The following ACSM3 variants were observed in gnomAD, a reference collection of about 807,000 sequenced individuals.
ACSM3 encodes the protein acyl-coenzyme A synthetase ACSM3, mitochondrial.
Under a neutral mutation model 74.1 loss-of-function variants are expected in ACSM3, and 61 were observed. The observed-to-expected ratio is 0.82, with a 90% CI of 0.67 to 1.02. The LOEUF is 1.02. Ranked by LOEUF, ACSM3 falls within the 50% of genes least tolerant of loss-of-function variation. The pLI is 0.00. For synonymous variants in ACSM3, 213 were observed against 241.5 expected (o/e 0.88, Z 1.09); for missense variants, 660 against 697.0 (o/e 0.95, Z 0.60).
At position 20,767,538 on chromosome 16, in the gene ACSM3, A is replaced by C. The variant is rs868087738; in HGVS notation, c.-51-2446A>C. Among the ~76,000 whole-genome samples the C allele has an allele frequency of 1.3e-4, 2 of 15,710 alleles. 1 individual carries two copies. Among genetic ancestry groups the C allele is most frequent in the African/African-American group, 4.2e-4 (2 of 4,774 alleles). The allele number at this position is 15,710 out of a possible 152,430, so 10.3% of individuals were successfully genotyped here. On this transcript the variant is annotated intron_variant, in intron 1 of 13. Coordinates refer to ENST00000289416, the MANE Select transcript of ACSM3 (RefSeq NM_005622.4). ...TCTCAAAAAAAAAAAAAAAAAAAAA[A>C]AAAAAAACAGGGACCGGTAGTTCCC...
Position 20,776,048 on chromosome 16 carries a change from A to T in ACSM3, c.429A>T (p.Thr143=). 2 of 1,614,088 alleles carry T rather than the reference A, an allele frequency of 1.2e-6. No homozygotes were observed. Among genetic ancestry groups the T allele is most frequent in the Non-Finnish European group, 1.7e-6 (2 of 1,179,982 alleles). The change falls in exon 3 of 14, where the codon ACA becomes ACT. Residue 143 remains threonine, a splice_region_variant and synonymous_variant. Transcript: ENST00000289416. Reference sequence around the variant, plus strand: ...TTGCAAATGTGGCCTGTCTGCGAACAGGTTAGTAATGTTTGCTTTCCGATC... The same window carrying T: ...TTGCAAATGTGGCCTGTCTGCGAACTGGTTAGTAATGTTTGCTTTCCGATC... ...WWLANVACLR[T]GTVLIPGTTQ... is the part of the protein sequence containing the mutation.
chr16:20,727,455 C>G (rs1464311890), intron 1 of ACSM3: 3 of 489,736 alleles, frequency 6.1e-6, no homozygotes, highest in Non-Finnish European at 1.2e-5. Context: ...GAGCTATGGA[C>G]AGACGGAAGT....
chr16:20,730,066 C>G (rs1018940), intron 1 of ACSM3, among the ~76,000 whole-genome samples: 64,913 of 152,046 alleles, frequency 0.43, 16,403 homozygotes, highest in Non-Finnish European at 0.58. Context: ...GATCACATCT[C>G]TCACCAATGT....
At chr16:20,780,691 T>C in intron 4 of ACSM3, 23 bp from the exon 5 acceptor site, 1 of 1,614,188 alleles carries the variant, frequency 6.2e-7, no homozygotes. Context: ...TAACATGCAG[T>C]CATTGTAGTT....
rs758108320 is a variant in ACSM3, at chr16:20,776,084, C to A, written c.430+35C>A. On this transcript the variant is annotated intron_variant, in intron 3 of 13. Coordinates refer to ENST00000289416, the MANE Select transcript of ACSM3 (RefSeq NM_005622.4). ...GTTTGCTTTCCGATCATATTTATTA[C>A]TAAGCTGGAGGGGAGATTTTCCAGA... is the stretch of plus-strand genomic sequence containing the variant. 4.0e-5 allele frequency: 64 copies of A among 1,604,990 alleles called. 1 individual carries two copies. The highest frequency in any genetic ancestry group is 5.3e-5 in the Non-Finnish European group (62 of 1,172,496).
In ACSM3 at chr16:20,722,245, G is replaced by A. The variant is rs957051309; in HGVS notation, c.-189-27665G>A. On this transcript the variant is annotated intron_variant, in intron 1 of 3. Transcript: ENST00000561584. The stretch of plus-strand genomic sequence containing the variant: ...GTAACAATAATTGGTAAGATTAAGG[G>A]GACTAGGGCTGTTGTGATAGTGGAA... 2.0e-5 allele frequency: 3 copies of A among 152,144 alleles called. No individual in the cohort carries two copies. The East Asian group carries it at 5.8e-4, about 29-fold the overall frequency. 9.4% of individuals were successfully genotyped at this position (152,144 alleles called of 1,614,324 possible).
chr16:20,684,254 A>G (rs984752760), intron 1 of ACSM3, among the ~76,000 whole-genome samples: 4 of 152,266 alleles, frequency 2.6e-5, no homozygotes, highest in Admixed American at 1.3e-4. Context: ...GTAAAGAATC[A>G]TCACTAGGTA....
At chr16:20,741,705 C>T in intron 1 of ACSM3, 1 of 1,578,184 alleles carries the variant, frequency 6.3e-7, no homozygotes, top group Non-Finnish European at 8.6e-7. Context: ...CTTCCCGCCG[C>T]CAGGCTGAGT....
intron 2 of ACSM3, among the ~76,000 whole-genome samples, chr16:20,754,811 A>G (rs2080016236): frequency 6.6e-6 from 1 of 152,204 alleles, no homozygotes; most frequent in South Asian, 2.1e-4. Flanking sequence ...GGAGTTTTGC[A>G]TAGAGCTGGG....
intron 1 of ACSM3, among the ~76,000 whole-genome samples, chr16:20,690,822 G>A (rs368681800): frequency 5.9e-5 from 9 of 152,192 alleles, no homozygotes; most frequent in African/African-American, 1.7e-4. Context: ...GAGGCTCAAT[G>A]AAGTAAGGAA....
chr16:20,755,326 G>C lies in ACSM3; in HGVS notation c.-95-247G>C, dbSNP rs375537560. Reference sequence around the variant, plus strand: ...GAATGAAGAAAGATGATGGATAGATGCTAACACTGAGATGACAGAAATGTT... The same window carrying C: ...GAATGAAGAAAGATGATGGATAGATCCTAACACTGAGATGACAGAAATGTT... On this transcript the variant is annotated intron_variant, in intron 2 of 3. Transcript: ENST00000561584. Among the ~76,000 whole-genome samples the C allele has an allele frequency of 1.1e-3, 172 of 152,268 alleles. 4 individuals are homozygous for C. The South Asian group carries it at 0.035, about 31-fold the overall frequency.
upstream of ACSM3, among the ~76,000 whole-genome samples, chr16:20,760,643 TATAGATAA>T (rs2080069464): frequency 6.6e-6 from 1 of 152,146 alleles, no homozygotes; most frequent in African/African-American, 2.4e-5. Context: ...AGTTGGGGAA[TATAGATAA>T]GGTCCACTGA....
intron 1 of ACSM3, among the ~76,000 whole-genome samples, chr16:20,746,648 C>T (rs141068712): frequency 2.1e-4 from 32 of 152,338 alleles, no homozygotes; most frequent in East Asian, 9.6e-4. Flanking sequence ...TACACCCAGA[C>T]GCTGTGTGAG....
At chr16:20,789,879 G>T (rs1466344837) in intron 9 of ACSM3, among the ~76,000 whole-genome samples, 1 of 151,652 alleles carries the variant, frequency 6.6e-6, no homozygotes, top group Non-Finnish European at 1.5e-5. Flanking sequence ...TCACCATGTT[G>T]CTCAGGCTGG....
At chr16:20,685,825 A>AAAAC (rs2079540279) in intron 1 of ACSM3, among the ~76,000 whole-genome samples, 1 of 119,026 alleles carries the variant, frequency 8.4e-6, no homozygotes, top group Non-Finnish European at 1.9e-5. Flanking sequence ...GTCTCAAAAA[A>AAAAC]AAAAAACAAA....
At chr16:20,751,335 T>A (rs2079987858) in intron 2 of ACSM3, among the ~76,000 whole-genome samples, 1 of 152,264 alleles carries the variant, frequency 6.6e-6, no homozygotes, top group African/African-American at 2.4e-5. Context: ...TAAAGCTTTG[T>A]CCTTTTTCCT....
chr16:20,779,774 T>A (rs1015677750), intron 4 of ACSM3: 1 of 118,254 alleles, frequency 8.5e-6, no homozygotes, highest in Admixed American at 8.1e-5. Context: ...CAGCAAACTT[T>A]TTTTTTTTTT....
chr16:20,737,992 C>A, intron 1 of ACSM3: 1 of 1,556,152 alleles, frequency 6.4e-7, no homozygotes, highest in South Asian at 1.2e-5. Context: ...GATAATTTCT[C>A]AGACATCTTA....
chr16:20,790,785 GACCC>G lies in ACSM3; in HGVS notation c.1326+98_1326+101del. 5.0e-6 allele frequency: 8 copies of G among 1,613,222 alleles called. No individual in the cohort carries two copies. In the South Asian group the frequency reaches 8.8e-5, roughly 18 times the overall value. The stretch of plus-strand genomic sequence containing the variant: ...CAAAACATACCTAGGATAGGTACTT[GACCC>G]TTTCTTGAGAGATTGGTTGTCCTGA... On this transcript the variant is annotated intron_variant, in intron 10 of 13. Coordinates refer to ENST00000289416, the MANE Select transcript of ACSM3 (RefSeq NM_005622.4). The surrounding 1 kb of genome is among the most constrained non-coding windows in gnomAD (Gnocchi z 4.0).
Sources: gnomAD v4.1 joint callset for allele counts (sites outside exome capture counted in the v4.1 genomes callset) on GRCh38, gnomAD v4.1.1 for gene constraint, Gnocchi (gnomAD v3.1) non-coding constraint, MANE v1.5 for transcripts, NCBI Gene and HGNC (gene_info 2026-07-23, HGNC 2026-07-21) for gene names.